Variants in GARNL3 observed in about 807,000 individuals in gnomAD.
GARNL3 encodes the protein GTPase activating Rap/RanGAP domain like 3.
A neutral mutation model predicts 125.0 loss-of-function variants in GARNL3; 63 were observed. That is an observed-to-expected ratio of 0.50 (90% CI 0.41 to 0.62). The LOEUF (loss-of-function observed/expected upper bound fraction) is 0.62. Ranked by LOEUF, GARNL3 falls within the 20% of genes least tolerant of loss-of-function variation. GARNL3 has a pLI of 0.00. For missense variants in GARNL3, 994 were observed against 1,244.0 expected, an observed-to-expected ratio of 0.80 and a Z score of 3.02; for synonymous variants, 439 against 457.5, an observed-to-expected ratio of 0.96 and a Z score of 0.52.
In GARNL3 at chr9:127,332,283, A is replaced by G. The variant is rs1829305139; in HGVS notation, c.604A>G (p.Asn202Asp). The G allele has an allele frequency of 6.2e-7, 1 of 1,613,166 alleles. No individual in the cohort carries two copies. The highest frequency in any genetic ancestry group is 1.7e-5 in the Admixed American group (1 of 60,012). Residue 202 changes from asparagine (N) to aspartate (D), a missense_variant, in exon 8 of 28, where the codon AAT becomes GAT. This residue lies in a region of GARNL3 where 139 missense variants were observed against 231.6 expected (regional missense o/e 0.60). Coordinates refer to ENST00000373387, the MANE Select transcript of GARNL3 (RefSeq NM_032293.5). ...LVLEEQEGSV[N>D]FKFGVLFAKD... ...TTGTTATTATCCTAAGGGCTCTGTG[A>G]ATTTCAAGTTTGGGGTTCTTTTTGC... is the stretch of plus-strand genomic sequence containing the variant.
intron 20 of GARNL3, among the ~76,000 whole-genome samples, chr9:127,356,993 C>G (rs1389998313): frequency 6.6e-6 from 1 of 152,244 alleles, no homozygotes; most frequent in African/African-American, 2.4e-5. Flanking sequence ...GGCCTCGACC[C>G]TTTCCAGTAG....
chr9:127,301,504 C>G (rs1346743459), intron 2 of GARNL3, among the ~76,000 whole-genome samples: 1 of 152,222 alleles, frequency 6.6e-6, no homozygotes, highest in Non-Finnish European at 1.5e-5. Flanking sequence ...AATTCAGTGT[C>G]TCTGTGCCTC....
chr9:127,368,939 A>ACAAAG (rs1831452401), intron 22 of GARNL3: 1 of 152,198 alleles, frequency 6.6e-6, no homozygotes, highest in African/African-American at 2.4e-5. Context: ...TCAAAACAAA[A>ACAAAG]CAAAACAAAA....
At chr9:127,318,667 C>T (rs1232791815) in intron 5 of GARNL3, among the ~76,000 whole-genome samples, 1 of 152,102 alleles carries the variant, frequency 6.6e-6, no homozygotes, top group East Asian at 1.9e-4. Flanking sequence ...CCCCCACCCT[C>T]CCACCTCCCT....
chr9:127,290,326 A>G (rs1366648941), intron 1 of GARNL3, among the ~76,000 whole-genome samples: 2 of 152,196 alleles, frequency 1.3e-5, no homozygotes, highest in African/African-American at 4.8e-5. Flanking sequence ...CTTAAGCACT[A>G]GTGAAAACGT....
In GARNL3 at chr9:127,345,461, G is replaced by C; in HGVS notation, c.1415G>C (p.Gly472Ala). Reference protein sequence around the residue: ...GDAPSSLAASGICKKEPWEPQ... With the variant: ...GDAPSSLAASAICKKEPWEPQ... ...GCTCCATCAAGCTTGGCAGCTTCAG[G>C]GATCTGTAAAAAAGAGGTGAGTTCA... The change falls in exon 16 of 28, where the codon GGG (glycine) becomes GCG (alanine). Residue 472 changes from glycine to alanine, a missense_variant. Coordinates refer to ENST00000373387, the MANE Select transcript of GARNL3 (RefSeq NM_032293.5). 6.2e-7 allele frequency: 1 copy of C among 1,604,460 alleles called. No individual in the cohort carries two copies. Among genetic ancestry groups the C allele is most frequent in the Non-Finnish European group, 8.5e-7 (1 of 1,174,784 alleles).
upstream of GARNL3, among the ~76,000 whole-genome samples, chr9:127,259,112 G>T (rs759273064): frequency 2.0e-5 from 3 of 152,192 alleles, no homozygotes; most frequent in Non-Finnish European, 4.4e-5. Context: ...CTCTGCGTTT[G>T]GCTTCCCCTT....
At chr9:127,292,768 A>T (rs2064462817) in intron 2 of GARNL3, among the ~76,000 whole-genome samples, 1 of 152,188 alleles carries the variant, frequency 6.6e-6, no homozygotes, top group African/African-American at 2.4e-5. Flanking sequence ...ACACCAGAGG[A>T]TAGGTTCTGG....
At chr9:127,318,568 A>G (rs898141601) in intron 5 of GARNL3, among the ~76,000 whole-genome samples, 2 of 152,206 alleles carry the variant, frequency 1.3e-5, no homozygotes, top group Non-Finnish European at 2.9e-5. Context: ...AGAAACCCAG[A>G]TGTCAGCAAA....
chr9:127,340,671 G>A (rs1829815137), intron 13 of GARNL3, among the ~76,000 whole-genome samples: 1 of 150,108 alleles, frequency 6.7e-6, no homozygotes, highest in Non-Finnish European at 1.5e-5. Flanking sequence ...GTCCGTCCTG[G>A]TCACCTGGCC....
At chr9:127,312,150 A>G (rs1233767793) in intron 3 of GARNL3, among the ~76,000 whole-genome samples, 1 of 152,244 alleles carries the variant, frequency 6.6e-6, no homozygotes, top group African/African-American at 2.4e-5. Flanking sequence ...GTATAGAACT[A>G]GAGAGACATT....
chr9:127,248,359 C>T (rs2063338536), intron 2 of GARNL3, among the ~76,000 whole-genome samples: 1 of 152,028 alleles, frequency 6.6e-6, no homozygotes, highest in Admixed American at 6.6e-5. Context: ...TAGAGGTAGG[C>T]GTGGGGGCCC....
At chr9:127,377,401 T>G (rs1831978560) in intron 22 of GARNL3, among the ~76,000 whole-genome samples, 2 of 152,176 alleles carry the variant, frequency 1.3e-5, no homozygotes. Flanking sequence ...AAGTGAAATA[T>G]AAAAAGTCAG....
intron 22 of GARNL3, among the ~76,000 whole-genome samples, chr9:127,366,284 TAGG>T (rs1200870993): frequency 6.6e-6 from 1 of 152,234 alleles, no homozygotes; most frequent in Non-Finnish European, 1.5e-5. Context: ...GGGAATAAAT[TAGG>T]AGAAGGTGGT....
chr9:127,286,970 T>C (rs1187930401), intron 1 of GARNL3, among the ~76,000 whole-genome samples: 1 of 152,076 alleles, frequency 6.6e-6, no homozygotes. Context: ...CTCAAGAAAA[T>C]CTGCTGTCTT....
chr9:127,231,050 ATTTTTTTTTTT>A (rs71308298), intron 1 of GARNL3, among the ~76,000 whole-genome samples: 6 of 89,578 alleles, frequency 6.7e-5, no homozygotes, highest in Admixed American at 1.3e-4. Context: ...ATATATATAT[ATTTTTTTTTTT>A]TTTTTTTTTT....
chr9:127,232,520 G>A (rs889814241), intron 1 of GARNL3, among the ~76,000 whole-genome samples: 2 of 152,010 alleles, frequency 1.3e-5, no homozygotes, highest in Non-Finnish European at 2.9e-5. Context: ...TGTTGCCCAG[G>A]CTGGCCTCGA....
In GARNL3 at chr9:127,266,032, A is replaced by G. The variant is rs1224353897; in HGVS notation, c.144+1011A>G. On this transcript the variant is annotated intron_variant, in intron 1 of 27. Coordinates refer to ENST00000373387, the MANE Select transcript of GARNL3 (RefSeq NM_032293.5). The surrounding 1 kb of genome is among the most constrained non-coding windows in gnomAD (Gnocchi z 4.0). ...ACTGTCCTCTGGCTGGGCAGATAAG[A>G]CACATAAAATATCTGAAGAATGAAT... 1.3e-5 allele frequency among the ~76,000 whole-genome samples: 2 copies of G among 152,228 alleles called. No homozygotes were observed. Among genetic ancestry groups the G allele is most frequent in the African/African-American group, 2.4e-5 (1 of 41,452 alleles).
chr9:127,353,975 G>A (rs1463488688), intron 18 of GARNL3, 31 bp downstream of exon 18: 5 of 1,467,298 alleles, frequency 3.4e-6, no homozygotes, highest in South Asian at 1.1e-5. Context: ...GCATGCTGTG[G>A]AGGAAGGAAA....
Sources: allele counts gnomAD v4.1 joint callset (sites outside exome capture counted in the v4.1 genomes callset), GRCh38; gene constraint gnomAD v4.1.1; regional missense constraint gnomAD v4.1.1; non-coding constraint Gnocchi (gnomAD v3.1); transcripts MANE v1.5; gene names NCBI Gene and HGNC (gene_info 2026-07-23, HGNC 2026-07-21).